KCNH8: variants seen among roughly 807,000 people sequenced by gnomAD.
KCNH8 encodes the protein potassium voltage-gated channel subfamily H member 8, also known as voltage-gated delayed rectifier potassium channel KCNH8.
A neutral mutation model predicts 103.6 loss-of-function variants in KCNH8; 70 were observed. That is an observed-to-expected ratio of 0.68 (90% CI 0.56 to 0.82). The LOEUF is 0.82. KCNH8 is among the 40% of genes least tolerant of loss of function. KCNH8 has a pLI of 0.00. For missense variants in KCNH8, 1,217 were observed against 1,329.9 expected (o/e 0.92, Z 1.32); for synonymous variants, 498 against 489.4 (o/e 1.02, Z -0.23).
At chr3:19,456,121 T>A (rs190775964) in intron 10 of KCNH8, among the ~76,000 whole-genome samples, 294 of 152,202 alleles carry the variant, frequency 1.9e-3, no homozygotes, top group Non-Finnish European at 3.0e-3. Flanking sequence ...TTATTCCTAG[T>A]GTCTATAAAT....
At chr3:19,438,408 C>A in intron 8 of KCNH8, 47 bp downstream of exon 8, 2 of 1,436,228 alleles carry the variant, frequency 1.4e-6, no homozygotes, top group South Asian at 1.2e-5. Context: ...CTATGCCTAC[C>A]TAACTGTCAC....
In KCNH8 at chr3:19,421,830, T is replaced by C. The variant is rs140346843; in HGVS notation, c.1178-16334T>C. Among the ~76,000 whole-genome samples, 68 of 152,246 alleles carry C rather than the reference T, an allele frequency of 4.5e-4. 1 individual carries two copies. Among genetic ancestry groups the C allele is most frequent in the African/African-American group, 1.5e-3 (63 of 41,566 alleles). On this transcript the variant is annotated intron_variant, in intron 7 of 15. Transcript: ENST00000328405. Reference sequence around the variant, plus strand: ...CTAAGTCTAATTTTTTAAAAATCAATGTTTGCTGTCTTTAATGTTCCTAAA... The same window carrying C: ...CTAAGTCTAATTTTTTAAAAATCAACGTTTGCTGTCTTTAATGTTCCTAAA...
intron 7 of KCNH8, among the ~76,000 whole-genome samples, chr3:19,423,242 C>A (rs1398246983): frequency 3.3e-5 from 5 of 151,894 alleles, no homozygotes; most frequent in African/African-American, 4.8e-5. Flanking sequence ...GCCTCGGTAT[C>A]TTTTGCCTTA....
At chr3:19,179,751 A>G (rs970729214) in intron 1 of KCNH8, among the ~76,000 whole-genome samples, 1 of 152,146 alleles carries the variant, frequency 6.6e-6, no homozygotes, top group Non-Finnish European at 1.5e-5. Flanking sequence ...AACTCTAGGT[A>G]GAGGAGAAGT....
intron 2 of KCNH8, among the ~76,000 whole-genome samples, chr3:19,273,348 AAAG>A (rs2064617684): frequency 6.6e-6 from 1 of 152,200 alleles, no homozygotes; most frequent in Non-Finnish European, 1.5e-5. Context: ...TTGTTCTCAC[AAAG>A]AAGTGCTTAG....
intron 8 of KCNH8, among the ~76,000 whole-genome samples, chr3:19,441,185 A>C (rs2125174294): frequency 6.6e-6 from 1 of 152,258 alleles, no homozygotes. Context: ...AGTCAGGGGC[A>C]CTATCTTGTC....
At chr3:19,198,525 T>G (rs1234755534) in intron 1 of KCNH8, among the ~76,000 whole-genome samples, 1 of 152,130 alleles carries the variant, frequency 6.6e-6, no homozygotes, top group Non-Finnish European at 1.5e-5. Context: ...ATAGAGAATG[T>G]GTGCAGATTT....
intron 11 of KCNH8, among the ~76,000 whole-genome samples, chr3:19,469,814 A>C (rs2067818422): frequency 6.6e-6 from 1 of 151,992 alleles, no homozygotes; most frequent in African/African-American, 2.4e-5. Flanking sequence ...CAGCAAAATG[A>C]CTCTCAGTGC....
At chr3:19,472,437 G>C (rs2067882408) in intron 11 of KCNH8, among the ~76,000 whole-genome samples, 1 of 152,112 alleles carries the variant, frequency 6.6e-6, no homozygotes. Flanking sequence ...GGTCTTTCCT[G>C]TGCTGTTCTT....
At chr3:19,475,771 G>A (rs879595672) in intron 11 of KCNH8, among the ~76,000 whole-genome samples, 2 of 152,170 alleles carry the variant, frequency 1.3e-5, no homozygotes, top group Non-Finnish European at 2.9e-5. Flanking sequence ...CATAATTCTT[G>A]TTCTGGGAAA....
chr3:19,518,734 G>T (rs1232680150), intron 15 of KCNH8, among the ~76,000 whole-genome samples: 2 of 151,896 alleles, frequency 1.3e-5, no homozygotes, highest in Non-Finnish European at 2.9e-5. Context: ...TCATTTTACA[G>T]TTAATCTCTA....
intron 7 of KCNH8, among the ~76,000 whole-genome samples, chr3:19,416,249 T>C (rs1298489530): frequency 6.6e-6 from 1 of 152,144 alleles, no homozygotes; most frequent in East Asian, 1.9e-4. Context: ...GACTATGCAT[T>C]AATTCTTAGT....
chr3:19,253,851 G>C lies in KCNH8; in HGVS notation c.274G>C (p.Glu92Gln). The change falls in exon 2 of 16, where the codon GAA becomes CAA. Residue 92 changes from glutamate to glutamine, a missense_variant. This residue lies in a region of KCNH8 where 244 missense variants were observed against 256.8 expected (regional missense o/e 0.95). Transcript: ENST00000328405. ...AGAAAAGTCACTGGAGGAGAAAACA[G>C]AATTCAAAGGAGAAATTATGTTCTA... is the stretch of plus-strand genomic sequence containing the variant. ...QIEKSLEEKTEFKGEIMFYKK... is the reference protein window; with the variant it reads ...QIEKSLEEKTQFKGEIMFYKK... 1 of 1,613,446 alleles carries C rather than the reference G, an allele frequency of 6.2e-7. No homozygotes were observed.
intron 3 of KCNH8, among the ~76,000 whole-genome samples, chr3:19,291,957 G>A (rs530651276): frequency 6.6e-6 from 1 of 152,040 alleles, no homozygotes; most frequent in South Asian, 2.1e-4. Context: ...GTATTCAATT[G>A]CCCTCACCTG....
intron 11 of KCNH8, among the ~76,000 whole-genome samples, chr3:19,464,249 C>A (rs960787018): frequency 6.6e-6 from 1 of 152,062 alleles, no homozygotes; most frequent in African/African-American, 2.4e-5. Context: ...TTTATGGTCA[C>A]CTGATTTATC....
intron 11 of KCNH8, among the ~76,000 whole-genome samples, chr3:19,488,210 T>C (rs1485226713): frequency 2.6e-5 from 4 of 152,202 alleles, no homozygotes; most frequent in Non-Finnish European, 5.9e-5. Context: ...TTCCTTACAA[T>C]AGGAGCATTG....
chr3:19,446,259 G>C (rs1267802486), intron 8 of KCNH8, among the ~76,000 whole-genome samples: 1 of 151,944 alleles, frequency 6.6e-6, no homozygotes, highest in East Asian at 1.9e-4. Context: ...CCAGTTGATA[G>C]AGTCATCAGC....
chr3:19,498,419 C>A (rs775058956), intron 11 of KCNH8, among the ~76,000 whole-genome samples: 2 of 152,088 alleles, frequency 1.3e-5, no homozygotes, highest in Non-Finnish European at 2.9e-5. Flanking sequence ...CCTTGCAGGA[C>A]CTCTTGTAAG....
At chr3:19,206,493 T>C (rs2063718383) in intron 1 of KCNH8, among the ~76,000 whole-genome samples, 1 of 151,824 alleles carries the variant, frequency 6.6e-6, no homozygotes, top group Non-Finnish European at 1.5e-5. Context: ...TGAAAGACAA[T>C]TAAAATGGTT....
Sources: gnomAD v4.1 joint callset for allele counts (sites outside exome capture counted in the v4.1 genomes callset) on GRCh38, gnomAD v4.1.1 for gene constraint, gnomAD v4.1.1 regional missense constraint, MANE v1.5 for transcripts, NCBI Gene and HGNC (gene_info 2026-07-23, HGNC 2026-07-21) for gene names.